Variants in PTPN9 observed in about 807,000 individuals in gnomAD.
The protein encoded by PTPN9 is protein tyrosine phosphatase non-receptor type 9, also known as tyrosine-protein phosphatase non-receptor type 9.
PTPN9 carries 26 observed loss-of-function variants against 69.8 expected under a neutral mutation model. The ratio of observed to expected loss-of-function variants is 0.37; its 90% CI spans 0.27 to 0.52. The LOEUF (loss-of-function observed/expected upper bound fraction) is 0.52, where lower values mean the gene tolerates loss of function less well. Among genes scored for constraint, PTPN9 ranks in the 20% least tolerant of loss-of-function variants. PTPN9 has a pLI of 0.91. For synonymous variants in PTPN9, 274 were observed against 272.5 expected (o/e 1.01, Z -0.05); for missense variants, 549 against 740.3 (o/e 0.74, Z 3.00).
At position 75,464,426 on chromosome 15, in the gene PTPN9, G is replaced by A. The variant is rs1376809322; in HGVS notation, c.*4343C>T. The A allele has an allele frequency of 6.6e-6, 1 of 152,176 alleles. No individual in the cohort carries two copies. Among genetic ancestry groups the A allele is most frequent in the African/African-American group, 2.4e-5 (1 of 41,408 alleles). 9.4% of individuals were successfully genotyped at this position (152,176 alleles called of 1,614,324 possible). A position where few individuals can be genotyped will look rare whatever the true frequency, so the allele number is the denominator to read the frequency against. On this transcript the variant is annotated 3_prime_UTR_variant, in exon 13 of 13. Coordinates refer to ENST00000618819, the MANE Select transcript of PTPN9 (RefSeq NM_002833.4). ...CTGAAAGTAAAAAAAATGAAAAGTG[G>A]GGAGTGCTAGTGGGAGCCAACTCAA...
chr15:75,541,999 T>G (rs532897625), intron 1 of PTPN9, among the ~76,000 whole-genome samples: 1 of 151,958 alleles, frequency 6.6e-6, no homozygotes. Context: ...ATGGTGCCAC[T>G]GCACTCCAGC....
In PTPN9 at chr15:75,578,729, G is replaced by A; in HGVS notation, c.48C>T (p.Thr16=). Residue 16 remains threonine, a synonymous_variant, in exon 1 of 13, where the codon ACC becomes ACT. Coordinates refer to ENST00000618819, the MANE Select transcript of PTPN9 (RefSeq NM_002833.4). The part of the protein sequence containing the change: ...APRPDMAPEL[T]PEEEQATKQF... ...GCCCGCTTACCTGCTCCTCCTCCGG[G>A]GTCAGCTCCGGCGCCATGTCGGGCC... The A allele has an allele frequency of 7.3e-7, 1 of 1,361,600 alleles. No homozygotes were observed. The highest frequency in any genetic ancestry group is 9.5e-7 in the Non-Finnish European group (1 of 1,054,722). The allele number at this position is 1,361,600 out of a possible 1,614,324, so 84.3% of individuals were successfully genotyped here.
In PTPN9 at chr15:75,464,373, A is replaced by C. The variant is rs1381186900; in HGVS notation, c.*4396T>G. The C allele has an allele frequency of 6.6e-6, 1 of 152,070 alleles. No homozygotes were observed. Among genetic ancestry groups the C allele is most frequent in the Non-Finnish European group, 1.5e-5 (1 of 68,038 alleles). 9.4% of individuals were successfully genotyped at this position (152,070 alleles called of 1,614,324 possible). On this transcript the variant is annotated 3_prime_UTR_variant, in exon 13 of 13. Coordinates refer to ENST00000618819, the MANE Select transcript of PTPN9 (RefSeq NM_002833.4). ...GCCATGATCATGCCACTCCCCTCTAACCTAGGCAACAGAGTGAGACTCTGT... is the reference window on the plus strand; with the variant it reads ...GCCATGATCATGCCACTCCCCTCTACCCTAGGCAACAGAGTGAGACTCTGT...
At chr15:75,511,336 T>C (rs2074844460) in intron 5 of PTPN9, among the ~76,000 whole-genome samples, 1 of 152,164 alleles carries the variant, frequency 6.6e-6, no homozygotes, top group African/African-American at 2.4e-5. Context: ...ACTGTAGCCT[T>C]GACCACCCAG....
chr15:75,481,352 GC>G (rs1395812154), intron 8 of PTPN9, among the ~76,000 whole-genome samples: 1 of 17,672 alleles, frequency 5.7e-5, no homozygotes, highest in African/African-American at 2.3e-4. Context: ...GGGGGGGTCA[GC>G]CCCCGGCCCG....
Position 75,469,002 on chromosome 15 carries a change from G to T in PTPN9, c.1568-19C>A. 3.1e-6 allele frequency: 5 copies of T among 1,588,688 alleles called. No homozygotes were observed. The highest frequency in any genetic ancestry group is 3.5e-6 in the Non-Finnish European group (4 of 1,158,902). On this transcript the variant is annotated intron_variant, in intron 12 of 12. Transcript: ENST00000618819. ...AAGGTACCTGAAGAAGGAAGGAAGT[G>T]ATCACATCTGGTTTACCTCTCTTCT...
At chr15:75,537,336 A>G (rs1159554617) in intron 1 of PTPN9, among the ~76,000 whole-genome samples, 1 of 130,212 alleles carries the variant, frequency 7.7e-6, no homozygotes, top group African/African-American at 3.0e-5. Flanking sequence ...TGGGTGACAC[A>G]GTGAGACTCC....
chr15:75,556,180 C>T (rs1209374903), intron 1 of PTPN9, among the ~76,000 whole-genome samples: 2 of 151,514 alleles, frequency 1.3e-5, no homozygotes, highest in African/African-American at 4.9e-5. Flanking sequence ...TTCTCTGCCT[C>T]AGCCTCCCGA....
At chr15:75,528,767 T>C (rs948433694) in intron 1 of PTPN9, among the ~76,000 whole-genome samples, 2 of 151,000 alleles carry the variant, frequency 1.3e-5, no homozygotes, top group Non-Finnish European at 1.5e-5. Context: ...GTGGCACAAT[T>C]ACTGCTCATT....
At chr15:75,511,051 T>C (rs2074843078) in intron 5 of PTPN9, among the ~76,000 whole-genome samples, 2 of 152,206 alleles carry the variant, frequency 1.3e-5, no homozygotes, top group Admixed American at 6.6e-5. Context: ...CAGAATTACA[T>C]TGCTTTCTAA....
At chr15:75,568,332 C>T (rs2075134940) in intron 1 of PTPN9, among the ~76,000 whole-genome samples, 1 of 149,336 alleles carries the variant, frequency 6.7e-6, no homozygotes, top group African/African-American at 2.5e-5. Flanking sequence ...GTCTCTACAA[C>T]AAATAAAAAA....
chr15:75,484,196 G>T (rs2074660354), intron 8 of PTPN9, among the ~76,000 whole-genome samples: 1 of 152,162 alleles, frequency 6.6e-6, no homozygotes, highest in Non-Finnish European at 1.5e-5. Context: ...GTGGCAGTCT[G>T]CCAGAGTGAA....
At chr15:75,578,486 A>C (rs1326701284) in intron 1 of PTPN9, among the ~76,000 whole-genome samples, 1 of 152,280 alleles carries the variant, frequency 6.6e-6, no homozygotes, top group East Asian at 1.9e-4. Context: ...TGAGGCTGGT[A>C]AGCCTCGGCG....
rs117245151 is a variant in PTPN9, at chr15:75,469,741, G to A, written c.1567+51C>T. 13,857 of 1,576,566 alleles carry A rather than the reference G, an allele frequency of 8.8e-3. 109 individuals carry two copies. Among genetic ancestry groups the A allele is most frequent in the Non-Finnish European group, 0.01 (11,602 of 1,148,862 alleles). ...TGGGCTAAGAGCTTTGTTTTTCCTCGTCCACCCCTACTGCCCCTGCAGACA... is the reference window on the plus strand; with the variant it reads ...TGGGCTAAGAGCTTTGTTTTTCCTCATCCACCCCTACTGCCCCTGCAGACA... On this transcript the variant is annotated intron_variant, in intron 12 of 12. Coordinates refer to ENST00000618819, the MANE Select transcript of PTPN9 (RefSeq NM_002833.4).
chr15:75,568,738 G>T (rs1391736035), intron 1 of PTPN9, among the ~76,000 whole-genome samples: 1 of 151,880 alleles, frequency 6.6e-6, no homozygotes, highest in Non-Finnish European at 1.5e-5. Context: ...TATAGAGGCT[G>T]AGGAAGGAGG....
At chr15:75,540,544 A>G (rs1408283929) in intron 1 of PTPN9, among the ~76,000 whole-genome samples, 3 of 121,254 alleles carry the variant, frequency 2.5e-5, no homozygotes, top group Non-Finnish European at 4.9e-5. Flanking sequence ...CTCTGTCTCT[A>G]AAAAAAAAAA....
chr15:75,559,696 T>C (rs1286439176), intron 1 of PTPN9, among the ~76,000 whole-genome samples: 50 of 147,068 alleles, frequency 3.4e-4, no homozygotes, highest in African/African-American at 1.2e-3. Flanking sequence ...GTTTATCTGC[T>C]GACCTTCCCT....
In PTPN9 at chr15:75,470,821, T is replaced by C; in HGVS notation, c.1218A>G (p.Glu406=). ...LVIVMTTRFE[E]GGRRKCGQYW... ...ACTGGCCACACTTTCTCCTGCCGCC[T>C]TCCTCAAAGCTGAAGACACACAGAG... The change falls in exon 11 of 13, where the codon GAA becomes GAG. Residue 406 remains glutamate (E), a synonymous_variant. Coordinates refer to ENST00000618819, the MANE Select transcript of PTPN9 (RefSeq NM_002833.4). The C allele has an allele frequency of 1.2e-6, 2 of 1,614,070 alleles. No individual in the cohort carries two copies. Among genetic ancestry groups the C allele is most frequent in the Non-Finnish European group, 8.5e-7 (1 of 1,179,986 alleles).
chr15:75,547,864 CCATAT>C (rs1395189776), intron 1 of PTPN9, among the ~76,000 whole-genome samples: 1 of 151,968 alleles, frequency 6.6e-6, no homozygotes, highest in African/African-American at 2.4e-5. Flanking sequence ...TGGGGTTTCA[CCATAT>C]TAGCCAGGCT....
Sources: allele counts gnomAD v4.1 joint callset (sites outside exome capture counted in the v4.1 genomes callset), GRCh38; gene constraint gnomAD v4.1.1; transcripts MANE v1.5; gene names NCBI Gene and HGNC (gene_info 2026-07-23, HGNC 2026-07-21).